The following STARD3NL variants were observed in gnomAD, a reference collection of about 807,000 sequenced individuals.
The protein encoded by STARD3NL is STARD3 N-terminal-like protein.
In STARD3NL, 17 loss-of-function variants were observed where a neutral mutation model predicts 30.9. The observed-to-expected ratio is 0.55, with a 90% confidence interval of 0.38 to 0.82. The LOEUF (loss-of-function observed/expected upper bound fraction) is 0.82. Among genes scored for constraint, STARD3NL ranks in the 40% least tolerant of loss-of-function variants. STARD3NL has a pLI of 0.00. For missense variants in STARD3NL, 234 were observed against 277.6 expected (o/e 0.84, Z 1.12); for synonymous variants, 112 against 100.5 (o/e 1.11, Z -0.69).
intron 2 of STARD3NL, among the ~76,000 whole-genome samples, chr7:38,212,924 T>G (rs1262225859): frequency 6.6e-6 from 1 of 152,204 alleles, no homozygotes. Context: ...ACAAAAATTT[T>G]GAAATGAGGA....
At chr7:38,213,491 G>A (rs181293279) in intron 2 of STARD3NL, among the ~76,000 whole-genome samples, 7 of 152,322 alleles carry the variant, frequency 4.6e-5, no homozygotes, top group African/African-American at 1.7e-4. Context: ...TGGCAAAGGT[G>A]TTCCTTAATG....
At chr7:38,228,530 A>T (rs2116464752) in intron 7 of STARD3NL, among the ~76,000 whole-genome samples, 1 of 152,356 alleles carries the variant, frequency 6.6e-6, no homozygotes, top group East Asian at 1.9e-4. Context: ...GATTGATAAT[A>T]GTTATTGGTC....
At chr7:38,190,700 C>A (rs1424845234) in intron 1 of STARD3NL, among the ~76,000 whole-genome samples, 4 of 152,168 alleles carry the variant, frequency 2.6e-5, no homozygotes, top group East Asian at 3.8e-4. Flanking sequence ...ATTCAAGATT[C>A]ATTCTAGGCT....
At chr7:38,220,431 G>A (rs557654893) in intron 7 of STARD3NL, among the ~76,000 whole-genome samples, 36 of 152,216 alleles carry the variant, frequency 2.4e-4, no homozygotes, top group Non-Finnish European at 4.1e-4. Flanking sequence ...ACAAGATACC[G>A]CTTCATACCG....
intron 1 of STARD3NL, among the ~76,000 whole-genome samples, chr7:38,183,396 G>A (rs185118319): frequency 6.6e-6 from 1 of 152,270 alleles, no homozygotes; most frequent in Non-Finnish European, 1.5e-5. Context: ...GAAGCTAGTG[G>A]TACCTCCTCT....
chr7:38,221,976 C>G (rs11765087), intron 7 of STARD3NL, among the ~76,000 whole-genome samples: 1 of 152,212 alleles, frequency 6.6e-6, no homozygotes, highest in Non-Finnish European at 1.5e-5. Context: ...TCCCGGCAGT[C>G]TTAGAACATC....
At chr7:38,201,526 G>A (rs1011141253) in intron 1 of STARD3NL, among the ~76,000 whole-genome samples, 28 of 151,888 alleles carry the variant, frequency 1.8e-4, no homozygotes, top group Non-Finnish European at 3.5e-4. Context: ...TTTTGAATTC[G>A]TTCAATTTTC....
chr7:38,195,004 T>C (rs1784842038), intron 1 of STARD3NL, among the ~76,000 whole-genome samples: 1 of 152,156 alleles, frequency 6.6e-6, no homozygotes, highest in Admixed American at 6.5e-5. Context: ...ACATTTTGTA[T>C]CTCTGTTCTT....
chr7:38,215,928 T>TA (rs1450029564), intron 4 of STARD3NL: 9 of 152,400 alleles, frequency 5.9e-5, no homozygotes, highest in African/African-American at 1.7e-4. Flanking sequence ...GGCCATGTCT[T>TA]CTGAGCATTC....
chr7:38,210,240 T>G (rs1785721255), intron 2 of STARD3NL, among the ~76,000 whole-genome samples: 1 of 152,158 alleles, frequency 6.6e-6, no homozygotes, highest in African/African-American at 2.4e-5. Flanking sequence ...CTATATGGGA[T>G]TTAGAGTTTA....
At chr7:38,206,821 A>G (rs1785512499) in intron 1 of STARD3NL, among the ~76,000 whole-genome samples, 1 of 152,148 alleles carries the variant, frequency 6.6e-6, no homozygotes, top group Admixed American at 6.6e-5. Context: ...CCCAGGCTGG[A>G]GTCCAGTGGC....
intron 1 of STARD3NL, among the ~76,000 whole-genome samples, chr7:38,204,775 T>C (rs1296193139): frequency 2.6e-5 from 4 of 151,822 alleles, no homozygotes; most frequent in Middle Eastern, 3.4e-3. Flanking sequence ...AAGAATCAAA[T>C]AGATGCAATA....
chr7:38,219,607 T>C lies in STARD3NL; in HGVS notation c.596T>C (p.Ile199Thr), dbSNP rs761763300. Residue 199 changes from isoleucine (I) to threonine (T), a missense_variant, in exon 7 of 9, where the codon ATA (isoleucine) becomes ACA (threonine). Ile to Thr is a moderately conservative substitution (Grantham distance 89, BLOSUM62 -1). Coordinates refer to ENST00000009041, the MANE Select transcript of STARD3NL (RefSeq NM_032016.4). ...VQDASERAAL[I>T]PGGLSDGQFY... is the part of the protein sequence containing the mutation. Reference sequence around the variant, plus strand: ...GATGCTTCAGAGAGGGCAGCACTTATACCTGGTGGTCTTTCTGATGGTCAG... The same window carrying C: ...GATGCTTCAGAGAGGGCAGCACTTACACCTGGTGGTCTTTCTGATGGTCAG... 8.7e-6 allele frequency: 14 copies of C among 1,613,080 alleles called. No homozygotes were observed. Among genetic ancestry groups the C allele is most frequent in the Admixed American group, 8.3e-5 (5 of 59,982 alleles).
chr7:38,226,705 C>G (rs1167458471), intron 7 of STARD3NL, among the ~76,000 whole-genome samples: 1 of 152,176 alleles, frequency 6.6e-6, no homozygotes, highest in Non-Finnish European at 1.5e-5. Flanking sequence ...CCAGTGGTGA[C>G]CACAACTCAG....
At chr7:38,190,721 A>G (rs143352887) in intron 1 of STARD3NL, among the ~76,000 whole-genome samples, 39 of 152,296 alleles carry the variant, frequency 2.6e-4, no homozygotes, top group African/African-American at 7.7e-4. Flanking sequence ...TGTGCATTGC[A>G]TGTGATGCTC....
intron 4 of STARD3NL, chr7:38,216,314 T>C (rs1243302206): frequency 6.6e-6 from 1 of 152,238 alleles, no homozygotes; most frequent in African/African-American, 2.4e-5. Flanking sequence ...CTGATTCTTG[T>C]TTTAAAAAAC....
At chr7:38,179,598 T>C (rs1784165434) in intron 1 of STARD3NL, among the ~76,000 whole-genome samples, 1 of 152,232 alleles carries the variant, frequency 6.6e-6, no homozygotes, top group Admixed American at 6.5e-5. Context: ...CTCATTGTTT[T>C]AGGTTTTAGA....
intron 1 of STARD3NL, among the ~76,000 whole-genome samples, chr7:38,202,784 T>C (rs1253752361): frequency 7.0e-6 from 1 of 143,864 alleles, no homozygotes; most frequent in African/African-American, 2.6e-5. Flanking sequence ...CCAAGTGTTC[T>C]CATTGTTCAA....
Position 38,213,749 on chromosome 7 carries a change from A to T in STARD3NL, c.226-608A>T, listed in dbSNP as rs753297125. The stretch of plus-strand genomic sequence containing the variant: ...TTTATTTTGACAGTAGCATTGGGAG[A>T]GGACAGAAAGTTGTATCAGGTTTGA... On this transcript the variant is annotated intron_variant, in intron 2 of 8. Transcript: ENST00000009041. 8.5e-5 allele frequency among the ~76,000 whole-genome samples: 13 copies of T among 152,346 alleles called. 1 individual carries two copies. The highest frequency in any genetic ancestry group is 1.8e-4 in the Non-Finnish European group (12 of 68,026).
Sources: gnomAD v4.1 joint callset for allele counts (sites outside exome capture counted in the v4.1 genomes callset) on GRCh38, gnomAD v4.1.1 for gene constraint, MANE v1.5 for transcripts, NCBI Gene and HGNC (gene_info 2026-07-23, HGNC 2026-07-21) for gene names.